ARAP2: variants seen among roughly 807,000 people sequenced by gnomAD.
ARAP2 encodes the protein arf-GAP with Rho-GAP domain, ANK repeat and PH domain-containing protein 2.
Under a neutral mutation model 194.5 loss-of-function variants are expected in ARAP2, and 148 were observed. That is an observed-to-expected ratio of 0.76 (90% CI 0.67 to 0.87). ARAP2 has a LOEUF of 0.87. ARAP2 is among the 40% of genes least tolerant of loss of function. The pLI, the probability that ARAP2 is intolerant of heterozygous loss-of-function variation, is 0.00. For synonymous variants in ARAP2, 695 were observed against 683.5 expected, an observed-to-expected ratio of 1.02 and a Z score of -0.26; for missense variants, 2,128 against 1,989.7, an observed-to-expected ratio of 1.07 and a Z score of -1.32.
chr4:36,230,533 T>C (rs1182950643), intron 1 of ARAP2, among the ~76,000 whole-genome samples: 2 of 152,218 alleles, frequency 1.3e-5, no homozygotes, highest in Non-Finnish European at 2.9e-5. Flanking sequence ...TGTCCTCCAA[T>C]GTACATAGCA....
chr4:36,150,477 C>A (rs1433197156), intron 16 of ARAP2, among the ~76,000 whole-genome samples: 4 of 151,994 alleles, frequency 2.6e-5, no homozygotes, highest in Non-Finnish European at 4.4e-5. Context: ...GTAACTCCAT[C>A]TCCACTAAAA....
intron 27 of ARAP2, among the ~76,000 whole-genome samples, chr4:36,100,631 A>G (rs543190446): frequency 3.6e-4 from 54 of 152,104 alleles, no homozygotes; most frequent in African/African-American, 1.3e-3. Context: ...TTGATGAGGG[A>G]GAATTACTCA....
intron 20 of ARAP2, among the ~76,000 whole-genome samples, chr4:36,129,844 T>TACAC (rs61090034): frequency 1.3e-4 from 20 of 150,762 alleles, no homozygotes; most frequent in East Asian, 7.9e-4. Flanking sequence ...ACATGCAACA[T>TACAC]ACACACACAC....
At chr4:36,037,730 G>A (rs1446026282) in intron 5 of ARAP2, among the ~76,000 whole-genome samples, 1 of 151,980 alleles carries the variant, frequency 6.6e-6, no homozygotes, top group African/African-American at 2.4e-5. Flanking sequence ...ATTCTGTTCT[G>A]TGCTAATCAA....
intron 28 of ARAP2, among the ~76,000 whole-genome samples, chr4:36,087,111 T>A: frequency 6.6e-6 from 1 of 152,098 alleles, no homozygotes; most frequent in Non-Finnish European, 1.5e-5. Context: ...AAATGCTAAG[T>A]CTTTACTCAA....
chr4:36,032,332 A>G (rs913867489), intron 5 of ARAP2, among the ~76,000 whole-genome samples: 3 of 152,254 alleles, frequency 2.0e-5, no homozygotes, highest in Non-Finnish European at 4.4e-5. Flanking sequence ...GAAAGGGCTC[A>G]GAGGAGCCTA....
chr4:36,010,671 T>A (rs1714333281), intron 9 of ARAP2, among the ~76,000 whole-genome samples: 1 of 152,156 alleles, frequency 6.6e-6, no homozygotes, highest in African/African-American at 2.4e-5. Flanking sequence ...AATGACCTAA[T>A]GAATCCTCTT....
intron 5 of ARAP2, 146 bp downstream of exon 5, chr4:36,212,249 GC>G: frequency 1.8e-6 from 1 of 549,668 alleles, no homozygotes; most frequent in Non-Finnish European, 3.1e-6. Context: ...AATGGGTGCT[GC>G]TATGCTTACA....
intron 8 of ARAP2, among the ~76,000 whole-genome samples, chr4:36,014,292 A>G (rs1250093566): frequency 3.6e-5 from 5 of 137,076 alleles, no homozygotes; most frequent in African/African-American, 1.1e-4. Context: ...AAAGAAAGAA[A>G]GAAAGAAGAG....
intron 23 of ARAP2, among the ~76,000 whole-genome samples, chr4:36,120,465 C>A (rs1722414472): frequency 6.6e-6 from 1 of 151,584 alleles, no homozygotes. Flanking sequence ...TACAGCCATA[C>A]TTCCGGAAAA....
chr4:36,049,267 C>T (rs540003242), intron 3 of ARAP2, among the ~76,000 whole-genome samples: 3 of 152,254 alleles, frequency 2.0e-5, no homozygotes, highest in African/African-American at 2.4e-5. Flanking sequence ...TGGGAGAAAA[C>T]TTCCTGTATA....
chr4:36,038,765 C>A (rs1720351823), intron 5 of ARAP2, among the ~76,000 whole-genome samples: 1 of 152,154 alleles, frequency 6.6e-6, no homozygotes, highest in South Asian at 2.1e-4. Context: ...TTTGGAAGCA[C>A]ATGGATAATG....
intron 31 of ARAP2, 64 bp downstream of exon 31, chr4:36,080,150 TCA>T: frequency 7.5e-7 from 1 of 1,335,894 alleles, no homozygotes; most frequent in Non-Finnish European, 1.1e-6. Context: ...GAAATCACCA[TCA>T]CACTAACATT....
At chr4:36,042,621 T>C (rs188142458) in intron 5 of ARAP2, among the ~76,000 whole-genome samples, 196 of 152,342 alleles carry the variant, frequency 1.3e-3, no homozygotes, top group Non-Finnish European at 2.2e-3. Flanking sequence ...TTCTATTTTT[T>C]AGATGTCTGG....
At chr4:36,133,422 T>A (rs777034226) in intron 19 of ARAP2, 33 bp from the exon 20 acceptor site, 4 of 1,580,268 alleles carry the variant, frequency 2.5e-6, no homozygotes, top group Non-Finnish European at 3.4e-6. Flanking sequence ...CAAATTATAA[T>A]TTTGCTCTTT....
chr4:36,047,391 G>A (rs183536749), intron 3 of ARAP2: 7 of 152,308 alleles, frequency 4.6e-5, no homozygotes, highest in Non-Finnish European at 8.8e-5. Context: ...GGCCATATAA[G>A]CTAACTGACT....
At chr4:36,200,082 C>G (rs1309134907) in intron 6 of ARAP2, among the ~76,000 whole-genome samples, 2 of 152,124 alleles carry the variant, frequency 1.3e-5, no homozygotes, top group Non-Finnish European at 2.9e-5. Context: ...TATTTTTAAA[C>G]CTAAATTCAT....
At chr4:36,130,648 C>T (rs756915660) in intron 20 of ARAP2, among the ~76,000 whole-genome samples, 1 of 151,850 alleles carries the variant, frequency 6.6e-6, no homozygotes, top group Non-Finnish European at 1.5e-5. Context: ...TATACACTGA[C>T]TTGTAACTGC....
intron 5 of ARAP2, among the ~76,000 whole-genome samples, chr4:36,027,360 T>G (rs1718102441): frequency 1.3e-5 from 2 of 151,850 alleles, no homozygotes; most frequent in African/African-American, 4.8e-5. Context: ...CCATGCTTCC[T>G]CCCATAGATT....
Sources: gnomAD v4.1 joint callset for allele counts (sites outside exome capture counted in the v4.1 genomes callset) on GRCh38, gnomAD v4.1.1 for gene constraint, MANE v1.5 for transcripts, NCBI Gene and HGNC (gene_info 2026-07-23, HGNC 2026-07-21) for gene names.